The following MAJIN variants were observed in gnomAD, a reference collection of about 807,000 sequenced individuals.
MAJIN encodes the protein membrane anchored junction protein, also known as membrane-anchored junction protein.
MAJIN carries 27 observed loss-of-function variants against 30.2 expected under a neutral mutation model. The observed-to-expected ratio is 0.89, with a 90% confidence interval of 0.66 to 1.23. MAJIN has a LOEUF of 1.23. MAJIN is among the 50% of genes most tolerant of loss of function. The pLI, the probability that MAJIN is intolerant of heterozygous loss-of-function variation, is 0.00. For synonymous variants in MAJIN, 78 were observed against 91.6 expected (o/e 0.85, Z 0.85); for missense variants, 253 against 260.3 (o/e 0.97, Z 0.19).
intron 8 of MAJIN, 113 bp from the exon 9 acceptor site, chr11:64,940,759 G>C: frequency 1.2e-6 from 1 of 825,406 alleles, no homozygotes; most frequent in Non-Finnish European, 2.0e-6. Flanking sequence ...CCTGGCTTCT[G>C]ACTGCCTAGA....
chr11:64,968,195 G>A (rs934898159), intron 1 of MAJIN, among the ~76,000 whole-genome samples: 26 of 152,118 alleles, frequency 1.7e-4, no homozygotes, highest in African/African-American at 5.8e-4. Flanking sequence ...ATTGTAAAAA[G>A]TCCAGATTTT....
At chr11:64,965,653 T>C (rs1945794455) in intron 1 of MAJIN, among the ~76,000 whole-genome samples, 1 of 152,112 alleles carries the variant, frequency 6.6e-6, no homozygotes, top group Non-Finnish European at 1.5e-5. Context: ...AATTAACCTG[T>C]CCCTTAGAAT....
At chr11:64,961,921 T>C (rs1303974376) in intron 1 of MAJIN, among the ~76,000 whole-genome samples, 2 of 151,936 alleles carry the variant, frequency 1.3e-5, no homozygotes, top group African/African-American at 4.8e-5. Flanking sequence ...CCAGAGTAGC[T>C]AGGACTACAG....
Position 64,972,064 on chromosome 11 carries a change from G to C in MAJIN, c.-252C>G, listed in dbSNP as rs1945916521. 1 of 152,196 alleles carries C rather than the reference G, an allele frequency of 6.6e-6. No homozygotes were observed. Among genetic ancestry groups the C allele is most frequent in the Admixed American group, 6.5e-5 (1 of 15,280 alleles). The allele number at this position is 152,196 out of a possible 1,614,324, so 9.4% of individuals were successfully genotyped here. A position where few individuals can be genotyped will look rare whatever the true frequency, so the allele number is the denominator to read the frequency against. ...TCGCCAGCTCCTAAGCAACTTCGGG[G>C]CTCGTGCCGCGCACCCACCAGGCCT... On this transcript the variant is annotated 5_prime_UTR_variant, in exon 1 of 11. Coordinates refer to ENST00000301896, the MANE Select transcript of MAJIN (RefSeq NM_001037225.3).
intron 1 of MAJIN, among the ~76,000 whole-genome samples, chr11:64,963,769 G>A (rs1224928280): frequency 6.6e-6 from 1 of 152,114 alleles, no homozygotes; most frequent in Non-Finnish European, 1.5e-5. Flanking sequence ...ACCCGGGGAG[G>A]TGGAGGCTGC....
At chr11:64,970,361 C>CAT (rs1945879226) in intron 1 of MAJIN, among the ~76,000 whole-genome samples, 1 of 66,058 alleles carries the variant, frequency 1.5e-5, no homozygotes, top group Non-Finnish European at 2.9e-5. Flanking sequence ...AAGACTCCGT[C>CAT]TTTTTTTTTT....
At chr11:64,950,845 G>T (rs1283976434) in intron 4 of MAJIN, among the ~76,000 whole-genome samples, 1 of 152,126 alleles carries the variant, frequency 6.6e-6, no homozygotes, top group Non-Finnish European at 1.5e-5. Flanking sequence ...GTCTCCCAAA[G>T]TGCTGGGATT....
Position 64,947,436 on chromosome 11 carries a change from A to G in MAJIN, c.411T>C (p.Ala137=), listed in dbSNP as rs75184517. The change falls in exon 8 of 11, where the codon GCT becomes GCC. Residue 137 remains alanine (A), a synonymous_variant. Transcript: ENST00000301896. ...CCATGTGTTTTCGTTTCCTCATCAC[A>G]GCTCCTACTGCTTTCTTCTCAACTG... ...LVPVEKKAVG[A]VMRKRKHMDE... The G allele has an allele frequency of 3.1e-3, 5,022 of 1,613,898 alleles. 140 individuals are homozygous for G. In the African/African-American group the frequency reaches 0.057, roughly 18 times the overall value.
chr11:64,938,264 C>G lies in MAJIN; in HGVS notation c.*311G>C, dbSNP rs977870814. 4.0e-5 allele frequency: 17 copies of G among 424,058 alleles called. No homozygotes were observed. Among genetic ancestry groups the G allele is most frequent in the Admixed American group, 7.0e-5 (2 of 28,612 alleles). The allele number at this position is 424,058 out of a possible 1,614,324, so 26.3% of individuals were successfully genotyped here. On this transcript the variant is annotated 3_prime_UTR_variant, in exon 11 of 11. Transcript: ENST00000301896. ...ATAAATAATTTATTGTCATTAGGAT[C>G]CTAAGTGCCGAAGACAAAAGGCCTA...
intron 3 of MAJIN, among the ~76,000 whole-genome samples, chr11:64,958,185 C>CCA (rs1945665880): frequency 2.6e-5 from 1 of 39,212 alleles, no homozygotes; most frequent in African/African-American, 5.4e-5. Context: ...TCATGATTCA[C>CCA]CCCCCCGCCC....
At chr11:64,958,202 G>A (rs182535203) in intron 3 of MAJIN, among the ~76,000 whole-genome samples, 2,585 of 148,326 alleles carry the variant, frequency 0.017, 272 homozygotes, top group Admixed American at 0.16. Flanking sequence ...GCCCCACCTC[G>A]GCCTCCCAAA....
intron 4 of MAJIN, among the ~76,000 whole-genome samples, chr11:64,952,861 C>T (rs999644706): frequency 1.1e-4 from 16 of 152,050 alleles, no homozygotes; most frequent in African/African-American, 3.4e-4. Context: ...CGTGCCACCA[C>T]ACCCAGCTAA....
chr11:64,955,511 T>C (rs1312935583), intron 3 of MAJIN, among the ~76,000 whole-genome samples: 3 of 152,262 alleles, frequency 2.0e-5, no homozygotes, highest in African/African-American at 7.2e-5. Flanking sequence ...CTTCATGGAA[T>C]ATTTTACTTG....
chr11:64,963,288 T>A (rs1945755917), intron 1 of MAJIN, among the ~76,000 whole-genome samples: 1 of 152,230 alleles, frequency 6.6e-6, no homozygotes, highest in East Asian at 1.9e-4. Flanking sequence ...AAGAATTAGA[T>A]GTAAATGACA....
rs753774551 is a variant in MAJIN at position 64,959,356 on chromosome 11, T to G, written c.50A>C (p.His17Pro). 3.7e-6 allele frequency: 6 copies of G among 1,614,068 alleles called. No individual in the cohort carries two copies. The highest frequency in any genetic ancestry group is 1.1e-5 in the South Asian group (1 of 91,082). Residue 17 changes from histidine (H) to proline (P), a missense_variant, in exon 3 of 11, where the codon CAT (histidine) becomes CCT (proline). Transcript: ENST00000301896. ...TYPFPETRFLHAGPNVYKFKI... is the reference protein window; with the variant it reads ...TYPFPETRFLPAGPNVYKFKI... ...GAATTTATACACATTGGGTCCTGCA[T>G]GAAGAAACCTCGTCTCTGGAAACGG...
chr11:64,954,765 C>T lies in MAJIN; in HGVS notation c.139G>A (p.Glu47Lys). 6.2e-7 allele frequency: 1 copy of T among 1,613,696 alleles called. No individual in the cohort carries two copies. The highest frequency in any genetic ancestry group is 8.5e-7 in the Non-Finnish European group (1 of 1,179,780). ...TATGCTTCTTTCCCTACCTCCAGCT[C>T]CTGGGTGATGACTTCCTTATTTTCT... ...EIENKEVITQ[E>K]LEDSVRVVLG... The change falls in exon 4 of 11, where the codon GAG (glutamate) becomes AAG (lysine). Residue 47 changes from glutamate to lysine, a missense_variant. Glu to Lys is a moderately conservative substitution (Grantham distance 56, BLOSUM62 1). Coordinates refer to ENST00000301896, the MANE Select transcript of MAJIN (RefSeq NM_001037225.3).
chr11:64,968,488 C>T (rs979266343), intron 1 of MAJIN, among the ~76,000 whole-genome samples: 4 of 151,666 alleles, frequency 2.6e-5, no homozygotes, highest in Admixed American at 6.6e-5. Flanking sequence ...TCTCGAACTC[C>T]GGAGCTCAAG....
At chr11:64,945,112 C>T (rs985596152) in intron 8 of MAJIN, among the ~76,000 whole-genome samples, 2 of 152,156 alleles carry the variant, frequency 1.3e-5, no homozygotes, top group African/African-American at 4.8e-5. Flanking sequence ...AATCCCAGCA[C>T]TTTGGGAGGC....
intron 4 of MAJIN, 150 bp downstream of exon 4, chr11:64,954,607 A>G: frequency 1.3e-6 from 1 of 769,782 alleles, no homozygotes; most frequent in Non-Finnish European, 2.3e-6. Flanking sequence ...ATGGAAAAAC[A>G]TAAAGTTCCT....
Sources: gnomAD v4.1 joint callset for allele counts (sites outside exome capture counted in the v4.1 genomes callset) on GRCh38, gnomAD v4.1.1 for gene constraint, MANE v1.5 for transcripts, NCBI Gene and HGNC (gene_info 2026-07-23, HGNC 2026-07-21) for gene names.